Variants in CTNNA3 observed in about 807,000 individuals in gnomAD.
CTNNA3 encodes catenin alpha-3.
In CTNNA3, 76 loss-of-function variants were observed where a neutral mutation model predicts 95.7. The ratio of observed to expected loss-of-function variants is 0.79; its 90% confidence interval spans 0.66 to 0.96. The LOEUF is 0.96. CTNNA3 is among the 40% of genes least tolerant of loss of function. CTNNA3 has a pLI of 0.00. For missense variants in CTNNA3, 1,191 were observed against 1,089.8 expected (o/e 1.09, Z -1.31); for synonymous variants, 431 against 374.4 (o/e 1.15, Z -1.74).
At chr10:66,428,772 A>T (rs544051808) in intron 11 of CTNNA3, among the ~76,000 whole-genome samples, 4 of 152,280 alleles carry the variant, frequency 2.6e-5, no homozygotes, top group East Asian at 1.9e-4. Context: ...AGGGAAATTT[A>T]TAGCACTAAA....
chr10:67,058,268 A>G (rs1160753811), intron 7 of CTNNA3, among the ~76,000 whole-genome samples: 1 of 152,188 alleles, frequency 6.6e-6, no homozygotes, highest in Non-Finnish European at 1.5e-5. Flanking sequence ...TGCAGATACC[A>G]TATTTGGTCT....
intron 7 of CTNNA3, among the ~76,000 whole-genome samples, chr10:66,880,294 T>G (rs1179200467): frequency 1.3e-5 from 2 of 152,046 alleles, no homozygotes; most frequent in African/African-American, 4.8e-5. Context: ...GGTCTCTTTC[T>G]TTTCCATGTC....
intron 5 of CTNNA3, among the ~76,000 whole-genome samples, chr10:67,289,939 G>A (rs1466866639): frequency 6.6e-6 from 1 of 151,594 alleles, no homozygotes; most frequent in Non-Finnish European, 1.5e-5. Flanking sequence ...ACCTAGGACT[G>A]CAGGCATATA....
intron 1 of CTNNA3, among the ~76,000 whole-genome samples, chr10:67,685,790 CT>C (rs1212041287): frequency 6.6e-6 from 1 of 152,132 alleles, no homozygotes; most frequent in Non-Finnish European, 1.5e-5. Flanking sequence ...ATTTCTTCAT[CT>C]GTCTGTCTCT....
intron 10 of CTNNA3, among the ~76,000 whole-genome samples, chr10:66,586,320 T>C (rs1003920852): frequency 6.6e-6 from 1 of 152,032 alleles, no homozygotes; most frequent in Non-Finnish European, 1.5e-5. Context: ...AACGATTGGA[T>C]GAAGTCCCAG....
chr10:66,626,243 A>G (rs1423776305), intron 9 of CTNNA3, among the ~76,000 whole-genome samples: 1 of 152,134 alleles, frequency 6.6e-6, no homozygotes, highest in Non-Finnish European at 1.5e-5. Flanking sequence ...ATCACATATC[A>G]TTCAGTCTGT....
chr10:67,090,196 C>T (rs1447293121), intron 7 of CTNNA3, among the ~76,000 whole-genome samples: 1 of 151,924 alleles, frequency 6.6e-6, no homozygotes, highest in Non-Finnish European at 1.5e-5. Flanking sequence ...TGAGTGTTTT[C>T]GAGATTGGAC....
rs532431173 is a variant in CTNNA3, at chr10:67,383,306, C to A, written c.579+138536G>T. Among the ~76,000 whole-genome samples the A allele has an allele frequency of 6.6e-5, 10 of 152,208 alleles. 1 individual carries two copies. The South Asian group carries it at 2.1e-3, about 32-fold the overall frequency. On this transcript the variant is annotated intron_variant, in intron 5 of 17. Transcript: ENST00000433211. ...GAAGATGAAAAAGCCATGGTACCTA[C>A]CCCGTGGCAAGCACCGTGAACAAGG...
chr10:67,566,043 G>GTGTGTATATATATATATATATATA (rs1274109672), intron 3 of CTNNA3, among the ~76,000 whole-genome samples: 1 of 26,966 alleles, frequency 3.7e-5, no homozygotes, highest in African/African-American at 1.7e-4. Flanking sequence ...ATGTGTGTGT[G>GTGTGTATATATATATATATATATA]TATATATATA....
intron 5 of CTNNA3, among the ~76,000 whole-genome samples, chr10:67,307,864 G>A (rs947265093): frequency 1.3e-5 from 2 of 152,150 alleles, no homozygotes; most frequent in South Asian, 2.1e-4. Context: ...TCATCACTCG[G>A]GACCTATAAA....
At chr10:67,050,068 T>A (rs1854987961) in intron 7 of CTNNA3, among the ~76,000 whole-genome samples, 2 of 152,210 alleles carry the variant, frequency 1.3e-5, no homozygotes, top group Non-Finnish European at 2.9e-5. Flanking sequence ...TGCACAAATT[T>A]CACATAAAGA....
intron 11 of CTNNA3, among the ~76,000 whole-genome samples, chr10:66,414,993 G>A (rs370016458): frequency 2.0e-5 from 3 of 152,102 alleles, no homozygotes; most frequent in African/African-American, 7.2e-5. Flanking sequence ...AGGCTGTGGT[G>A]CAGGTGGCAT....
rs184624770 is a variant in CTNNA3, at chr10:67,040,811, T to C, written c.1047+139506A>G. On this transcript the variant is annotated intron_variant, in intron 7 of 17. Transcript: ENST00000433211. ...GTGGTATTTTTAAAATTATACCACA[T>C]GATGTTAAATTATAAGCACACATCA... 5.6e-3 allele frequency among the ~76,000 whole-genome samples: 857 copies of C among 152,206 alleles called. 4 individuals are homozygous for C. The highest frequency in any genetic ancestry group is 9.0e-3 in the Non-Finnish European group (609 of 67,982).
At chr10:67,325,830 T>A (rs1339508218) in intron 5 of CTNNA3, among the ~76,000 whole-genome samples, 2 of 152,070 alleles carry the variant, frequency 1.3e-5, no homozygotes, top group Non-Finnish European at 2.9e-5. Flanking sequence ...GTTAGTGGGG[T>A]GTTAAAGTCT....
intron 10 of CTNNA3, among the ~76,000 whole-genome samples, chr10:66,608,818 C>A (rs928528085): frequency 6.6e-6 from 1 of 152,032 alleles, no homozygotes; most frequent in East Asian, 1.9e-4. Flanking sequence ...AAATGTAAAA[C>A]CCTAACCAAT....
intron 5 of CTNNA3, among the ~76,000 whole-genome samples, chr10:67,280,977 T>C (rs1208352054): frequency 1.3e-5 from 2 of 152,134 alleles, no homozygotes; most frequent in African/African-American, 4.8e-5. Flanking sequence ...GCAAAATGTG[T>C]CAATCATCAA....
intron 1 of CTNNA3, among the ~76,000 whole-genome samples, chr10:67,707,907 C>T (rs574239555): frequency 6.6e-6 from 1 of 152,210 alleles, no homozygotes; most frequent in African/African-American, 2.4e-5. Flanking sequence ...GCTACCTTAC[C>T]TTACACAAAC....
intron 9 of CTNNA3, among the ~76,000 whole-genome samples, chr10:66,725,514 C>G (rs555861400): frequency 6.6e-6 from 1 of 152,222 alleles, no homozygotes; most frequent in South Asian, 2.1e-4. Flanking sequence ...ACCCATGTAT[C>G]ATTGCTAAAG....
intron 10 of CTNNA3, among the ~76,000 whole-genome samples, chr10:66,524,701 C>T (rs1375659484): frequency 1.3e-5 from 2 of 151,968 alleles, no homozygotes; most frequent in Non-Finnish European, 2.9e-5. Context: ...GAAACTAGAG[C>T]CAAAGTGCAA....
Sources: gnomAD v4.1 joint callset for allele counts (sites outside exome capture counted in the v4.1 genomes callset) on GRCh38, gnomAD v4.1.1 for gene constraint, MANE v1.5 for transcripts, NCBI Gene and HGNC (gene_info 2026-07-23, HGNC 2026-07-21) for gene names.